Variants in LRWD1 observed in about 807,000 individuals in gnomAD.
The protein encoded by LRWD1 is leucine-rich repeat and WD repeat-containing protein 1.
LRWD1 carries 76 observed loss-of-function variants against 75.6 expected under a neutral mutation model. That is an observed-to-expected ratio of 1.01 (90% CI 0.84 to 1.22). The LOEUF is 1.22. Ranked by LOEUF, LRWD1 falls within the 50% of genes most tolerant of loss-of-function variation. The pLI, the probability that LRWD1 is intolerant of heterozygous loss-of-function variation, is 0.00. For synonymous variants in LRWD1, 487 were observed against 377.0 expected (o/e 1.29, Z -3.38); for missense variants, 917 against 862.0 (o/e 1.06, Z -0.80).
chr7:102,466,472 T>C (rs1001262173), intron 3 of LRWD1, among the ~76,000 whole-genome samples: 6 of 152,196 alleles, frequency 3.9e-5, no homozygotes, highest in Non-Finnish European at 7.3e-5. Context: ...TGGAGTGCAG[T>C]GATGCGATCT....
Position 102,465,122 on chromosome 7 carries a change from C to A in LRWD1, c.42C>A (p.Arg14=). ...LSARLLMQRG[R]PKSDRLGKIR... ...CGCGGCTGCTAATGCAGCGCGGGCGCCCCAAGAGCGACCGGCTGGGGAAGA... is the reference window on the plus strand; with the variant it reads ...CGCGGCTGCTAATGCAGCGCGGGCGACCCAAGAGCGACCGGCTGGGGAAGA... The change falls in exon 1 of 15, where the codon CGC becomes CGA. Residue 14 remains arginine, a synonymous_variant. Transcript: ENST00000292616. 6.6e-7 allele frequency: 1 copy of A among 1,517,982 alleles called. No homozygotes were observed. The highest frequency in any genetic ancestry group is 2.3e-5 in the Admixed American group (1 of 43,852). The allele number at this position is 1,517,982 out of a possible 1,614,324, so 94.0% of individuals were successfully genotyped here.
rs1279251513 is a variant in LRWD1 at position 102,472,529 on chromosome 7, C to T, written c.1610C>T (p.Ser537Phe). The change falls in exon 13 of 15, where the codon TCC (serine) becomes TTC (phenylalanine). Residue 537 changes from serine (S) to phenylalanine (F), a missense_variant. Ser to Phe is a radical substitution (Grantham distance 155, BLOSUM62 -2). Coordinates refer to ENST00000292616, the MANE Select transcript of LRWD1 (RefSeq NM_152892.3). ...RQTWGGRGSQ[S>F]TVAVVVLARL... ...ACGTGGGGGGGCCGGGGCAGCCAGT[C>T]CACGGTGGCAGTGGTGGTCCTGGCG... 4 of 1,579,268 alleles carry T rather than the reference C, an allele frequency of 2.5e-6. No individual in the cohort carries two copies. The highest frequency in any genetic ancestry group is 1.3e-5 in the African/African-American group (1 of 74,356).
rs1321504989 is a variant in LRWD1, at chr7:102,466,182, T to G, written c.344T>G (p.Leu115Arg). Residue 115 changes from leucine to arginine, a missense_variant, in exon 3 of 15, where the codon CTC (leucine) becomes CGC (arginine). Leu to Arg is a moderately radical substitution (Grantham distance 102). Coordinates refer to ENST00000292616, the MANE Select transcript of LRWD1 (RefSeq NM_152892.3). ...TVNDNLKVSFLLPTLRKVNGK... is the reference protein window; with the variant it reads ...TVNDNLKVSFRLPTLRKVNGK... Reference sequence around the variant, plus strand: ...AATGACAACCTGAAAGTCTCCTTTCTCCTGCCCACGCTCCGTAAGGTCAAT... The same window carrying G: ...AATGACAACCTGAAAGTCTCCTTTCGCCTGCCCACGCTCCGTAAGGTCAAT... 1.2e-6 allele frequency: 2 copies of G among 1,614,182 alleles called. No individual in the cohort carries two copies. The highest frequency in any genetic ancestry group is 3.3e-5 in the Admixed American group (2 of 60,024).
At chr7:102,467,170 G>C (rs1455354005) in intron 3 of LRWD1, among the ~76,000 whole-genome samples, 169 bp from the exon 4 acceptor site, 1 of 54,284 alleles carries the variant, frequency 1.8e-5, no homozygotes, top group African/African-American at 5.8e-5. Flanking sequence ...GGTGTGTGTG[G>C]GGTGTGTGTG....
In LRWD1 at chr7:102,473,118, G is replaced by C. The variant is rs549304751; in HGVS notation, c.*69G>C. 3,502 of 1,314,032 alleles carry C rather than the reference G, an allele frequency of 2.7e-3. 14 individuals carry two copies. The highest frequency in any genetic ancestry group is 3.2e-3 in the Non-Finnish European group (3,239 of 1,000,114). 81.4% of individuals were successfully genotyped at this position (1,314,032 alleles called of 1,614,324 possible). A position where few individuals can be genotyped will look rare whatever the true frequency, so the allele number is the denominator to read the frequency against. On this transcript the variant is annotated 3_prime_UTR_variant, in exon 15 of 15. Coordinates refer to ENST00000292616, the MANE Select transcript of LRWD1 (RefSeq NM_152892.3). ...ATTCAGCTTTGGGCCGATGGGGGTG[G>C]GGGGGGGTCTTTCAGTGAATATTTT...
intron 1 of LRWD1, chr7:102,465,399 G>A (rs1030182468): frequency 9.1e-6 from 4 of 437,242 alleles, no homozygotes; most frequent in Non-Finnish European, 1.6e-5. Context: ...TATCGTTAGA[G>A]GGCCTGGGAA....
chr7:102,470,370 C>T (rs760032829), intron 11 of LRWD1: 14 of 154,706 alleles, frequency 9.0e-5, no homozygotes, highest in Non-Finnish European at 1.6e-4. Flanking sequence ...CTCTTGGGGC[C>T]CCCAGCCTAC....
In LRWD1 at chr7:102,465,039, C is replaced by A; in HGVS notation, c.-42C>A. Reference sequence around the variant, plus strand: ...GGAGACGCAGGGCGACGCCACACGCCGGGGTGGCCGACTGGGTCAGCGCGG... The same window carrying A: ...GGAGACGCAGGGCGACGCCACACGCAGGGGTGGCCGACTGGGTCAGCGCGG... On this transcript the variant is annotated 5_prime_UTR_variant, in exon 1 of 15. Coordinates refer to ENST00000292616, the MANE Select transcript of LRWD1 (RefSeq NM_152892.3). 3 of 1,437,200 alleles carry A rather than the reference C, an allele frequency of 2.1e-6. No individual in the cohort carries two copies. Among genetic ancestry groups the A allele is most frequent in the South Asian group, 1.4e-5 (1 of 70,726 alleles). The allele number at this position is 1,437,200 out of a possible 1,614,324, so 89.0% of individuals were successfully genotyped here. A position where few individuals can be genotyped will look rare whatever the true frequency, so the allele number is the denominator to read the frequency against.
chr7:102,466,171 A>G lies in LRWD1; in HGVS notation c.333A>G (p.Lys111=). The G allele has an allele frequency of 6.2e-7, 1 of 1,614,136 alleles. No homozygotes were observed. The highest frequency in any genetic ancestry group is 8.5e-7 in the Non-Finnish European group (1 of 1,180,022). The change falls in exon 3 of 15, where the codon AAA becomes AAG. Residue 111 remains lysine (K), a synonymous_variant. Coordinates refer to ENST00000292616, the MANE Select transcript of LRWD1 (RefSeq NM_152892.3). ...TTCCCCAGGTCAATGACAACCTGAAAGTCTCCTTTCTCCTGCCCACGCTCC... is the reference window on the plus strand; with the variant it reads ...TTCCCCAGGTCAATGACAACCTGAAGGTCTCCTTTCTCCTGCCCACGCTCC... ...NPFLTVNDNL[K]VSFLLPTLRK... is the part of the protein sequence containing the mutation.
Position 102,467,384 on chromosome 7 carries a change from G to A in LRWD1, c.478G>A (p.Glu160Lys). 2 of 1,613,622 alleles carry A rather than the reference G, an allele frequency of 1.2e-6. No individual in the cohort carries two copies. The highest frequency in any genetic ancestry group is 1.7e-6 in the Non-Finnish European group (2 of 1,179,846). ...EKFMATLGPE[E>K]EAEKAQADFV... ...GTTCATGGCCACACTGGGTCCTGAA[G>A]AGGAGGCTGAGAAGGCCCAGGCGGA... The change falls in exon 4 of 15, where the codon GAG becomes AAG. Residue 160 changes from glutamate to lysine, a missense_variant. Glu to Lys is a moderately conservative substitution (Grantham distance 56). Transcript: ENST00000292616.
At position 102,468,377 on chromosome 7, in the gene LRWD1, G is replaced by C. The variant is rs766806541; in HGVS notation, c.919G>C (p.Gly307Arg). 2 of 1,602,358 alleles carry C rather than the reference G, an allele frequency of 1.2e-6. No homozygotes were observed. The highest frequency in any genetic ancestry group is 8.5e-7 in the Non-Finnish European group (1 of 1,174,890). ...TGCCTTCGAGCCGGCCTGGGAGGAG[G>C]GTACATGGTGGCGGGCAGGCGGGGC... ...ACAFEPAWEEGATSQTVATCG... is the reference protein window; with the variant it reads ...ACAFEPAWEERATSQTVATCG... The change falls in exon 7 of 15, where the codon GGG becomes CGG. Residue 307 changes from glycine to arginine, a missense_variant and splice_region_variant. Transcript: ENST00000292616.
intron 8 of LRWD1, 54 bp downstream of exon 8, chr7:102,468,708 C>G: frequency 6.5e-7 from 1 of 1,542,534 alleles, no homozygotes; most frequent in Non-Finnish European, 8.8e-7. Flanking sequence ...GACTCCTGAA[C>G]AGCAGCATGG....
chr7:102,469,172 G>A, intron 9 of LRWD1, 110 bp downstream of exon 9: 1 of 963,988 alleles, frequency 1.0e-6, no homozygotes, highest in Non-Finnish European at 1.5e-6. Flanking sequence ...CGCCTGCCGG[G>A]CCCCAGTCTG....
Position 102,467,146 on chromosome 7 carries a change from TGGGTTGTTGCTGGGGTGTGTGTGGG to T in LRWD1, c.433-191_433-167del, listed in dbSNP as rs1365194772. On this transcript the variant is annotated intron_variant, in intron 3 of 14. Coordinates refer to ENST00000292616, the MANE Select transcript of LRWD1 (RefSeq NM_152892.3). ...GTGTGTGTGTGTGTGTGTAGGCACC[TGGGTTGTTGCTGGGGTGTGTGTGGG>T]GTGTGTGTGTGTGTGTGTGTGTGTG... 6.9e-4 allele frequency among the ~76,000 whole-genome samples: 74 copies of T among 107,756 alleles called. 3 individuals are homozygous for T. In the East Asian group the frequency reaches 0.012, roughly 18 times the overall value. The allele number at this position is 107,756 out of a possible 152,430, so 70.7% of individuals were successfully genotyped here.
intron 1 of LRWD1, 62 bp from the exon 2 acceptor site, chr7:102,465,755 G>A (rs745374673): frequency 4.8e-6 from 6 of 1,247,946 alleles, no homozygotes; most frequent in Non-Finnish European, 7.0e-6. Flanking sequence ...GAGGTACCCG[G>A]GGCAGATTGG....
chr7:102,473,046 G>GTAGCCTCACACCATCGCAA lies in LRWD1; in HGVS notation c.1942_*16dup. On this transcript the variant is annotated frameshift_variant and stop_retained_variant, in exon 15 of 15. Coordinates refer to ENST00000292616, the MANE Select transcript of LRWD1 (RefSeq NM_152892.3). LOFTEE classifies it high-confidence loss of function. ...ACATCGTAGCCATCTGGGGGAGGATGTAGCCTCACACCATCGCAAAGGACC... is the reference window on the plus strand; with the variant it reads ...ACATCGTAGCCATCTGGGGGAGGATGTAGCCTCACACCATCGCAATAGCCTCACACCATCGCAAAGGACC... 1 of 1,612,338 alleles carries GTAGCCTCACACCATCGCAA rather than the reference G, an allele frequency of 6.2e-7. No individual in the cohort carries two copies. The highest frequency in any genetic ancestry group is 8.5e-7 in the Non-Finnish European group (1 of 1,179,066).
chr7:102,468,228 G>C (rs1411819470), intron 6 of LRWD1, 35 bp from the exon 7 acceptor site: 1 of 1,599,834 alleles, frequency 6.3e-7, no homozygotes, highest in African/African-American at 1.3e-5. Context: ...GATGAGTCGG[G>C]GCTGGGCAGC....
chr7:102,465,528 T>C (rs1797941995), intron 1 of LRWD1: 1 of 122,900 alleles, frequency 8.1e-6, no homozygotes, highest in Non-Finnish European at 1.5e-5. Context: ...TTTTTTTTGT[T>C]AAGTGGTGTG....
rs185775706 is a variant in LRWD1, at chr7:102,472,899, T to C, written c.1804-10T>C. On this transcript the variant is annotated splice_polypyrimidine_tract_variant and intron_variant, in intron 14 of 14. Coordinates refer to ENST00000292616, the MANE Select transcript of LRWD1 (RefSeq NM_152892.3). ...GAGCCCAGCCCAGCCCTCCCCTCTC[T>C]CCCCACCAGATCCTGAAGTGGCCCC... 2.3e-3 allele frequency: 3,641 copies of C among 1,594,502 alleles called. 3 individuals carry two copies. Among genetic ancestry groups the C allele is most frequent in the Non-Finnish European group, 2.5e-3 (2,955 of 1,163,390 alleles).
Sources: gnomAD v4.1 joint callset for allele counts (sites outside exome capture counted in the v4.1 genomes callset) on GRCh38, gnomAD v4.1.1 for gene constraint, MANE v1.5 for transcripts, NCBI Gene and HGNC (gene_info 2026-07-23, HGNC 2026-07-21) for gene names.